Variants in ARHGAP23 observed in about 807,000 individuals in gnomAD.
ARHGAP23 encodes the protein Rho GTPase activating protein 23.
A neutral mutation model predicts 136.3 loss-of-function variants in ARHGAP23; 34 were observed. The observed-to-expected ratio is 0.25, with a 90% CI of 0.19 to 0.33. The LOEUF (loss-of-function observed/expected upper bound fraction) is 0.33, where lower values mean the gene tolerates loss of function less well. ARHGAP23 is among the 10% of genes least tolerant of loss of function. The pLI, the probability that ARHGAP23 is intolerant of heterozygous loss-of-function variation, is 1.00. For missense variants in ARHGAP23, 1,808 were observed against 2,139.0 expected (o/e 0.85, Z 3.05); for synonymous variants, 832 against 920.5 (o/e 0.90, Z 1.74).
Position 38,469,898 on chromosome 17 carries a change from C to T in ARHGAP23, c.1968C>T (p.Thr656=), listed in dbSNP as rs781607043. Residue 656 remains threonine (T), a synonymous_variant, in exon 10 of 24, where the codon ACC becomes ACT. Transcript: ENST00000622683. ...PSLRMLRSFF[T]DGSLDSWGTS... is the part of the protein sequence containing the mutation. ...TGCGGATGCTCCGGAGCTTCTTCAC[C>T]GACGGGGTGAGAGCTGCAAGTGTGT... 1.6e-5 allele frequency: 25 copies of T among 1,551,548 alleles called. No homozygotes were observed. Among genetic ancestry groups the T allele is most frequent in the African/African-American group, 5.5e-5 (4 of 73,054 alleles).
At chr17:38,436,163 G>A (rs543831967) in intron 1 of ARHGAP23, among the ~76,000 whole-genome samples, 4 of 152,218 alleles carry the variant, frequency 2.6e-5, no homozygotes, top group East Asian at 3.9e-4. Context: ...GGAGATGGTC[G>A]GGGGGATGTT....
intron 18 of ARHGAP23, 29 bp downstream of exon 18, chr17:38,490,204 G>A (rs938815825): frequency 1.9e-5 from 29 of 1,545,938 alleles, no homozygotes; most frequent in Non-Finnish European, 2.5e-5. Flanking sequence ...TGTCAGACAC[G>A]AGGTGGGGCA....
chr17:38,460,898 C>G lies in ARHGAP23; in HGVS notation c.226-7C>G. 1 of 1,536,068 alleles carries G rather than the reference C, an allele frequency of 6.5e-7. No individual in the cohort carries two copies. Among genetic ancestry groups the G allele is most frequent in the East Asian group, 2.4e-5 (1 of 40,912 alleles). Reference sequence around the variant, plus strand: ...GACGCCCACACCCACTCCTCTGTTCCCTGCAGGAGGAAGAGAATGGAGGCC... The same window carrying G: ...GACGCCCACACCCACTCCTCTGTTCGCTGCAGGAGGAAGAGAATGGAGGCC... On this transcript the variant is annotated splice_region_variant and splice_polypyrimidine_tract_variant and intron_variant, in intron 2 of 23. Transcript: ENST00000622683.
At chr17:38,458,819 ACTC>A (rs1355434034) in intron 2 of ARHGAP23, among the ~76,000 whole-genome samples, 11 of 151,744 alleles carry the variant, frequency 7.2e-5, no homozygotes, top group African/African-American at 2.4e-4. Flanking sequence ...TCCTGGGACA[ACTC>A]CTCACTCATT....
chr17:38,424,416 C>T (rs1200276263), upstream of ARHGAP23, among the ~76,000 whole-genome samples: 2 of 152,124 alleles, frequency 1.3e-5, no homozygotes, highest in Non-Finnish European at 2.9e-5. Context: ...TCCCTGGGGC[C>T]CCTCCTCCCT....
At chr17:38,466,015 C>A (rs1204178845) in intron 6 of ARHGAP23, among the ~76,000 whole-genome samples, 152 bp from the exon 7 acceptor site, 2 of 151,746 alleles carry the variant, frequency 1.3e-5, no homozygotes, top group African/African-American at 4.8e-5. Flanking sequence ...GCCCTTCCAC[C>A]CCCACCCACT....
chr17:38,471,257 T>C (rs1337268771), intron 10 of ARHGAP23, among the ~76,000 whole-genome samples: 1 of 152,256 alleles, frequency 6.6e-6, no homozygotes, highest in Non-Finnish European at 1.5e-5. Flanking sequence ...CCGCCCCACC[T>C]TTCCCTGGCT....
chr17:38,498,762 C>G (rs2144784768), intron 22 of ARHGAP23, among the ~76,000 whole-genome samples: 1 of 152,302 alleles, frequency 6.6e-6, no homozygotes, highest in Middle Eastern at 3.4e-3. Context: ...CCCTCTCTCA[C>G]TGGTTTCTTT....
upstream of ARHGAP23, among the ~76,000 whole-genome samples, chr17:38,424,518 T>C (rs930276979): frequency 2.6e-5 from 4 of 152,096 alleles, no homozygotes; most frequent in Non-Finnish European, 5.9e-5. Context: ...TTCCTCCCAG[T>C]CCTTGTTGCC....
intron 22 of ARHGAP23, 69 bp from the exon 23 acceptor site, chr17:38,500,528 T>G: frequency 7.3e-7 from 1 of 1,371,870 alleles, no homozygotes; most frequent in South Asian, 1.2e-5. Flanking sequence ...GAGGGAATTG[T>G]GTGCATAAGA....
chr17:38,433,491 C>T (rs965323268), intron 1 of ARHGAP23, among the ~76,000 whole-genome samples: 29 of 152,240 alleles, frequency 1.9e-4, no homozygotes, highest in African/African-American at 6.7e-4. Context: ...TAATGAGGCC[C>T]CCATCACTGG....
chr17:38,509,705 G>C (rs1366266225), intron 23 of ARHGAP23, among the ~76,000 whole-genome samples: 3 of 152,232 alleles, frequency 2.0e-5, no homozygotes, highest in Non-Finnish European at 4.4e-5. Context: ...GGCTTTGGGA[G>C]ACCAGCCCAC....
chr17:38,435,663 C>T (rs1016575536), intron 1 of ARHGAP23, among the ~76,000 whole-genome samples: 2 of 152,076 alleles, frequency 1.3e-5, no homozygotes, highest in African/African-American at 2.4e-5. Flanking sequence ...GGTGCAATGG[C>T]GCGATCTCGG....
At chr17:38,423,128 T>C (rs1421464090) in intron 1 of ARHGAP23, among the ~76,000 whole-genome samples, 2 of 152,066 alleles carry the variant, frequency 1.3e-5, no homozygotes, top group Non-Finnish European at 2.9e-5. Context: ...TTGCCCTCCG[T>C]GGAATATGGG....
In ARHGAP23 at chr17:38,466,442, C is replaced by A; in HGVS notation, c.759C>A (p.Ser253Arg). 6.6e-7 allele frequency: 1 copy of A among 1,526,202 alleles called. No individual in the cohort carries two copies. 94.5% of individuals were successfully genotyped at this position (1,526,202 alleles called of 1,614,324 possible). Reference sequence around the variant, plus strand: ...TGGGGATGAGCCAGCCCCGCCCCAGCCCTGGTGCCTTCCCCCACCTCTCCT... The same window carrying A: ...TGGGGATGAGCCAGCCCCGCCCCAGACCTGGTGCCTTCCCCCACCTCTCCT... ...SSLGMSQPRPSPGAFPHLSSE... is the reference protein window; with the variant it reads ...SSLGMSQPRPRPGAFPHLSSE... Residue 253 changes from serine (S) to arginine (R), a missense_variant, in exon 7 of 24, where the codon AGC (serine) becomes AGA (arginine). Physicochemically the swap from Ser to Arg is moderately radical, Grantham distance 110 (BLOSUM62 -1). Transcript: ENST00000622683.
Position 38,463,191 on chromosome 17 carries a change from G to A in ARHGAP23, c.423G>A (p.Gln141=). 4 of 1,551,508 alleles carry A rather than the reference G, an allele frequency of 2.6e-6. No individual in the cohort carries two copies. Among genetic ancestry groups the A allele is most frequent in the Non-Finnish European group, 3.5e-6 (4 of 1,146,892 alleles). Reference sequence around the variant, plus strand: ...ACTCTCAGGTCATAGCTCTGATCCAGAATAGGTGAGTGTCCCTGACCCCTC... The same window carrying A: ...ACTCTCAGGTCATAGCTCTGATCCAAAATAGGTGAGTGTCCCTGACCCCTC... ...KTYSQVIALI[Q]NSDDTLELSI... The change falls in exon 5 of 24, where the codon CAG becomes CAA. Residue 141 remains glutamine (Q), a synonymous_variant. Transcript: ENST00000622683.
At chr17:38,445,160 A>T (rs908841206) in intron 1 of ARHGAP23, among the ~76,000 whole-genome samples, 4 of 151,622 alleles carry the variant, frequency 2.6e-5, no homozygotes, top group Admixed American at 1.3e-4. Flanking sequence ...TGGCCTTTTT[A>T]AAAAAATCAC....
chr17:38,464,374 T>C (rs747230329), intron 6 of ARHGAP23, among the ~76,000 whole-genome samples: 3 of 152,164 alleles, frequency 2.0e-5, no homozygotes, highest in Non-Finnish European at 4.4e-5. Flanking sequence ...AGTGCCCACC[T>C]CCCTGGTCTC....
At chr17:38,438,189 C>T (rs2038844552) in intron 1 of ARHGAP23, among the ~76,000 whole-genome samples, 4 of 152,078 alleles carry the variant, frequency 2.6e-5, no homozygotes, top group Admixed American at 2.6e-4. Flanking sequence ...GGCGTGGTGG[C>T]ATGCGCCTTT....
Sources: allele counts gnomAD v4.1 joint callset (sites outside exome capture counted in the v4.1 genomes callset), GRCh38; gene constraint gnomAD v4.1.1; transcripts MANE v1.5; gene names NCBI Gene and HGNC (gene_info 2026-07-23, HGNC 2026-07-21).